The following FREM1 variants were observed in gnomAD, a reference collection of about 807,000 sequenced individuals.
FREM1 encodes FRAS1-related extracellular matrix protein 1.
FREM1 carries 220 observed loss-of-function variants against 210.1 expected under a neutral mutation model. The ratio of observed to expected loss-of-function variants is 1.05; its 90% CI spans 0.94 to 1.17. FREM1 has a LOEUF of 1.17. FREM1 is among the 50% of genes most tolerant of loss of function. The probability of loss-of-function intolerance (pLI) is 0.00; values close to 1 mark genes in which losing one functional copy is unlikely to be tolerated. For missense variants in FREM1, 3,454 were observed against 2,675.5 expected (o/e 1.29, Z -6.42); for synonymous variants, 1,189 against 980.2 (o/e 1.21, Z -3.98).
intron 30 of FREM1, 114 bp downstream of exon 30, chr9:14,750,013 G>T (rs1843075477): frequency 1.8e-6 from 2 of 1,134,302 alleles, no homozygotes; most frequent in Non-Finnish European, 2.6e-6. Flanking sequence ...GTGCTTTCTT[G>T]ACAAGAAATT....
chr9:14,763,996 T>C (rs1338913015), intron 27 of FREM1, among the ~76,000 whole-genome samples: 3 of 152,196 alleles, frequency 2.0e-5, no homozygotes, highest in Admixed American at 6.5e-5. Flanking sequence ...ACATGTTGAA[T>C]TGTAGCTCAT....
chr9:14,806,222 AT>A (rs1818314929), intron 18 of FREM1, among the ~76,000 whole-genome samples: 1 of 151,980 alleles, frequency 6.6e-6, no homozygotes, highest in South Asian at 2.1e-4. Context: ...AATAGTAATA[AT>A]AATTCATTGA....
chr9:14,910,672 A>T (rs1007684991), upstream of FREM1: 1 of 152,396 alleles, frequency 6.6e-6, no homozygotes, highest in Non-Finnish European at 1.5e-5. Context: ...CCCACCCCAC[A>T]CATGTGCATG....
intron 1 of FREM1, among the ~76,000 whole-genome samples, chr9:14,883,010 T>A (rs1332564071): frequency 6.8e-6 from 1 of 147,954 alleles, no homozygotes; most frequent in East Asian, 2.1e-4. Context: ...CAAACCCCCA[T>A]ACAAATGTTA....
chr9:14,754,446 C>T (rs1269528843), intron 29 of FREM1, among the ~76,000 whole-genome samples: 1 of 152,166 alleles, frequency 6.6e-6, no homozygotes, highest in Non-Finnish European at 1.5e-5. Flanking sequence ...AAACAAAATA[C>T]AGATTTTTGC....
At chr9:14,794,651 G>A (rs1852012025) in intron 21 of FREM1, among the ~76,000 whole-genome samples, 1 of 152,168 alleles carries the variant, frequency 6.6e-6, no homozygotes, top group South Asian at 2.1e-4. Flanking sequence ...GGTTAGAAGA[G>A]CCATTAGATT....
intron 1 of FREM1, among the ~76,000 whole-genome samples, chr9:14,871,475 A>G (rs191984828): frequency 0.5 from 75,552 of 151,238 alleles, 20,145 homozygotes; most frequent in East Asian, 0.71. Flanking sequence ...GTCTGTTCAT[A>G]TCCTTCGCCC....
chr9:14,863,599 G>C (rs1830971404), intron 3 of FREM1, among the ~76,000 whole-genome samples: 2 of 152,128 alleles, frequency 1.3e-5, no homozygotes, highest in Admixed American at 1.3e-4. Flanking sequence ...TGCCACAGAA[G>C]AATCCTAGGG....
At chr9:14,824,712 T>C (rs2130829478) in intron 11 of FREM1, 84 bp downstream of exon 11, 1 of 450,156 alleles carries the variant, frequency 2.2e-6, no homozygotes, top group Non-Finnish European at 3.7e-6. Context: ...ACCACAGTAC[T>C]ATATATATAT....
At chr9:14,823,951 C>G (rs1588183184) in intron 12 of FREM1, 74 bp downstream of exon 12, 1 of 774,204 alleles carries the variant, frequency 1.3e-6, no homozygotes, top group Non-Finnish European at 2.0e-6. Context: ...TTCTCAGGCA[C>G]AATACTAGGC....
intron 2 of FREM1, 27 bp from the exon 3 acceptor site, chr9:14,863,930 T>C (rs1831041263): frequency 2.2e-6 from 3 of 1,391,106 alleles, no homozygotes; most frequent in Admixed American, 1.7e-5. Flanking sequence ...ATTGGATAAA[T>C]ATCTATGAGA....
chr9:14,813,858 A>G (rs1337498287), intron 15 of FREM1, among the ~76,000 whole-genome samples: 2 of 152,156 alleles, frequency 1.3e-5, no homozygotes, highest in East Asian at 3.9e-4. Flanking sequence ...TCTCAACCCT[A>G]CACCTTCTTC....
intron 25 of FREM1, among the ~76,000 whole-genome samples, chr9:14,773,810 T>TTTC (rs1359365719): frequency 2.0e-5 from 3 of 152,060 alleles, no homozygotes; most frequent in African/African-American, 7.2e-5. Flanking sequence ...TCCATCCTCT[T>TTTC]TTCCATCTGT....
chr9:14,834,509 C>G (rs1339847002), intron 10 of FREM1, among the ~76,000 whole-genome samples: 1 of 152,082 alleles, frequency 6.6e-6, no homozygotes, highest in Non-Finnish European at 1.5e-5. Context: ...TAAACTAATG[C>G]AAGGGTAAAA....
rs34969215 is a variant in FREM1 at position 14,769,245 on chromosome 9, A to T, written c.5204+479T>A. 6.8e-3 allele frequency among the ~76,000 whole-genome samples: 1,043 copies of T among 152,326 alleles called. 7 individuals are homozygous for T. The highest frequency in any genetic ancestry group is 8.2e-3 in the Admixed American group (126 of 15,302). ...GGGATAAGTTTATCACCTTATAAACATACTGTCAAGTAATTGTAATTTTCT... is the reference window on the plus strand; with the variant it reads ...GGGATAAGTTTATCACCTTATAAACTTACTGTCAAGTAATTGTAATTTTCT... On this transcript the variant is annotated intron_variant, in intron 27 of 36. Transcript: ENST00000380880.
intron 18 of FREM1, 77 bp downstream of exon 18, chr9:14,806,584 T>G (rs931544975): frequency 5.7e-6 from 5 of 878,026 alleles, no homozygotes; most frequent in Admixed American, 4.2e-5. Flanking sequence ...CTTACAAAGT[T>G]ATTAAGCATG....
intron 5 of FREM1, among the ~76,000 whole-genome samples, chr9:14,854,095 A>G (rs1469711949): frequency 6.6e-6 from 1 of 152,212 alleles, no homozygotes; most frequent in Non-Finnish European, 1.5e-5. Context: ...AGGAGCCAAG[A>G]GAGCTCACTT....
At chr9:14,877,835 C>A (rs114054690) in intron 1 of FREM1, among the ~76,000 whole-genome samples, 1,563 of 152,198 alleles carry the variant, frequency 0.01, 31 homozygotes, top group African/African-American at 0.036. Context: ...ATAATCTGAC[C>A]CCAGACCAAG....
chr9:14,845,142 A>G (rs1826351922), intron 8 of FREM1, among the ~76,000 whole-genome samples: 1 of 152,206 alleles, frequency 6.6e-6, no homozygotes, highest in African/African-American at 2.4e-5. Context: ...ATAAGGAATG[A>G]CTTATTTTAT....
Sources: allele counts gnomAD v4.1 joint callset (sites outside exome capture counted in the v4.1 genomes callset), GRCh38; gene constraint gnomAD v4.1.1; transcripts MANE v1.5; gene names NCBI Gene and HGNC (gene_info 2026-07-23, HGNC 2026-07-21).